PGM5: variants seen among roughly 807,000 people sequenced by gnomAD.
PGM5 encodes phosphoglucomutase 5, also known as phosphoglucomutase-like protein 5.
Under a neutral mutation model 59.2 loss-of-function variants are expected in PGM5, and 23 were observed. The observed-to-expected ratio is 0.39, with a 90% CI of 0.28 to 0.55. The LOEUF (loss-of-function observed/expected upper bound fraction) is 0.55. Ranked by LOEUF, PGM5 falls within the 20% of genes least tolerant of loss-of-function variation. The pLI is 0.66. For synonymous variants in PGM5, 214 were observed against 286.0 expected (o/e 0.75, Z 2.54); for missense variants, 574 against 748.3 (o/e 0.77, Z 2.72).
chr9:68,402,357 TAAAAC>T (rs1436388475), intron 6 of PGM5: 1 of 152,238 alleles, frequency 6.6e-6, no homozygotes, highest in Non-Finnish European at 1.5e-5. Flanking sequence ...TATTTAAAAA[TAAAAC>T]AAAGCATCTC....
chr9:68,382,630 C>T (rs1302246241), intron 2 of PGM5, among the ~76,000 whole-genome samples: 1 of 151,366 alleles, frequency 6.6e-6, no homozygotes, highest in African/African-American at 2.4e-5. Context: ...ATATGAGTGC[C>T]TGTAGATTTG....
At chr9:68,465,024 T>C in intron 6 of PGM5, 69 bp from the exon 7 acceptor site, 1 of 960,180 alleles carries the variant, frequency 1.0e-6, no homozygotes, top group Non-Finnish European at 1.7e-6. Flanking sequence ...AAAGACTTCC[T>C]ACTGTGCTGA....
intron 9 of PGM5, among the ~76,000 whole-genome samples, chr9:68,486,681 C>T (rs1455848611): frequency 1.3e-5 from 2 of 152,188 alleles, no homozygotes; most frequent in African/African-American, 2.4e-5. Context: ...CATCCATTTG[C>T]TGTTGGATGT....
chr9:68,498,181 GC>G (rs1824511474), intron 9 of PGM5: 1 of 152,148 alleles, frequency 6.6e-6, no homozygotes, highest in Non-Finnish European at 1.5e-5. Flanking sequence ...AAAGCTACAT[GC>G]CTCCCCCATA....
At chr9:68,399,567 A>T (rs1822612176) in intron 6 of PGM5, among the ~76,000 whole-genome samples, 1 of 150,800 alleles carries the variant, frequency 6.6e-6, no homozygotes, top group African/African-American at 2.4e-5. Context: ...GAGCTTAAGC[A>T]TCTCTTCATA....
intron 10 of PGM5, among the ~76,000 whole-genome samples, chr9:68,516,183 A>G (rs1328800208): frequency 1.3e-5 from 2 of 152,188 alleles, no homozygotes; most frequent in East Asian, 1.9e-4. Flanking sequence ...GGTCCTTATT[A>G]TGTGCCATCA....
At chr9:68,423,960 A>AATTCCAAATTT (rs1823191526) in intron 6 of PGM5, among the ~76,000 whole-genome samples, 1 of 152,120 alleles carries the variant, frequency 6.6e-6, no homozygotes, top group South Asian at 2.1e-4. Flanking sequence ...TTTACTTCCA[A>AATTCCAAATTT]ACCCACCCAA....
chr9:68,462,807 A>G (rs1164814364), intron 6 of PGM5, among the ~76,000 whole-genome samples: 3 of 152,120 alleles, frequency 2.0e-5, no homozygotes, highest in African/African-American at 7.2e-5. Context: ...CTGCCCCAGA[A>G]GGCTTCTGTG....
intron 7 of PGM5, among the ~76,000 whole-genome samples, chr9:68,474,145 A>G (rs1554686471): frequency 6.6e-6 from 1 of 152,118 alleles, no homozygotes. Flanking sequence ...TTTTTATTTT[A>G]TTGGCTCAGG....
chr9:68,394,142 G>A (rs571471507), intron 6 of PGM5: 105 of 152,144 alleles, frequency 6.9e-4, no homozygotes, highest in African/African-American at 2.3e-3. Flanking sequence ...CTGAGGTGAC[G>A]GGAATGTTCT....
At chr9:68,492,590 G>C (rs1307079460) in intron 9 of PGM5, among the ~76,000 whole-genome samples, 5 of 152,174 alleles carry the variant, frequency 3.3e-5, no homozygotes, top group Non-Finnish European at 5.9e-5. Flanking sequence ...AGCCTAATGG[G>C]GAAGGAGAAG....
rs782759971 is a variant in PGM5, at chr9:68,387,562, A to G, written c.671A>G (p.Lys224Arg). The part of the protein sequence containing the change: ...KGLLTGPSQL[K>R]IRIDAMHGVM... ...TTGCTGACTGGACCCAGCCAACTGA[A>G]GATTCGCATTGACGCAATGCACGGA... is the stretch of plus-strand genomic sequence containing the variant. The change falls in exon 4 of 11, where the codon AAG becomes AGG. Residue 224 changes from lysine (K) to arginine (R), a missense_variant. Lys to Arg is a conservative substitution (Grantham distance 26). Around this residue, in one of 7 missense-constraint regions of PGM5, gnomAD observed 103 missense variants for 112.4 expected, o/e 0.92. Transcript: ENST00000396396. The G allele has an allele frequency of 3.1e-6, 5 of 1,612,178 alleles. No homozygotes were observed. Among genetic ancestry groups the G allele is most frequent in the Non-Finnish European group, 4.2e-6 (5 of 1,178,612 alleles).
At chr9:68,375,032 A>T (rs1212384091) in intron 1 of PGM5, among the ~76,000 whole-genome samples, 1 of 152,108 alleles carries the variant, frequency 6.6e-6, no homozygotes, top group African/African-American at 2.4e-5. Context: ...TGGAGGATCC[A>T]CTGTGAGATG....
intron 8 of PGM5, among the ~76,000 whole-genome samples, chr9:68,482,924 A>T (rs1230764909): frequency 6.6e-6 from 1 of 152,200 alleles, no homozygotes; most frequent in Non-Finnish European, 1.5e-5. Context: ...ATTTTTTCTA[A>T]TCGACTTCCA....
At chr9:68,500,154 C>T (rs1824548038) in intron 10 of PGM5, among the ~76,000 whole-genome samples, 1 of 152,138 alleles carries the variant, frequency 6.6e-6, no homozygotes, top group Non-Finnish European at 1.5e-5. Flanking sequence ...GCCATACTTC[C>T]TTTGTGGAAA....
At chr9:68,447,236 C>G (rs985465517) in intron 6 of PGM5, among the ~76,000 whole-genome samples, 9 of 152,218 alleles carry the variant, frequency 5.9e-5, no homozygotes, top group African/African-American at 1.9e-4. Context: ...AATCCCATCT[C>G]ACCACTGGCC....
At chr9:68,403,501 AG>A (rs1270901071) in intron 6 of PGM5, among the ~76,000 whole-genome samples, 2 of 152,204 alleles carry the variant, frequency 1.3e-5, no homozygotes, top group Non-Finnish European at 2.9e-5. Flanking sequence ...GGTGCCAAAA[AG>A]GTTGGGGACC....
intron 10 of PGM5, among the ~76,000 whole-genome samples, chr9:68,519,957 G>A (rs1310413974): frequency 6.6e-6 from 1 of 150,438 alleles, no homozygotes; most frequent in East Asian, 1.9e-4. Context: ...AGGTGTGATG[G>A]TGTGCACTTG....
At chr9:68,509,765 G>C (rs570156572) in intron 10 of PGM5, among the ~76,000 whole-genome samples, 1 of 152,294 alleles carries the variant, frequency 6.6e-6, no homozygotes, top group South Asian at 2.1e-4. Context: ...GGGGCACAGG[G>C]ACTGTCCCTA....
Sources: gnomAD v4.1 joint callset for allele counts (sites outside exome capture counted in the v4.1 genomes callset) on GRCh38, gnomAD v4.1.1 for gene constraint, gnomAD v4.1.1 regional missense constraint, MANE v1.5 for transcripts, NCBI Gene and HGNC (gene_info 2026-07-23, HGNC 2026-07-21) for gene names.